Variants in UNC5D observed in about 807,000 individuals in gnomAD.
UNC5D encodes the protein netrin receptor UNC5D.
A neutral mutation model predicts 105.4 loss-of-function variants in UNC5D; 39 were observed. The observed-to-expected ratio is 0.37, with a 90% CI of 0.29 to 0.48. The LOEUF (loss-of-function observed/expected upper bound fraction) is 0.48, where lower values mean the gene tolerates loss of function less well. Among genes scored for constraint, UNC5D ranks in the 20% least tolerant of loss-of-function variants. UNC5D has a pLI of 0.98. For missense variants in UNC5D, 991 were observed against 1,202.4 expected, an observed-to-expected ratio of 0.82 and a Z score of 2.60; for synonymous variants, 452 against 450.4, an observed-to-expected ratio of 1.00 and a Z score of -0.04.
At chr8:35,491,893 T>A (rs1403639318) in intron 1 of UNC5D, among the ~76,000 whole-genome samples, 1 of 152,164 alleles carries the variant, frequency 6.6e-6, no homozygotes, top group Non-Finnish European at 1.5e-5. Flanking sequence ...GTGAGAATAG[T>A]TATTGAGTCC....
At chr8:35,724,212 C>A in intron 9 of UNC5D, 1 of 1,514,760 alleles carries the variant, frequency 6.6e-7, no homozygotes, top group Non-Finnish European at 8.8e-7. Context: ...TTAGTCTTAC[C>A]AAACTTACCT....
chr8:35,675,373 T>C (rs1825139657), intron 4 of UNC5D, among the ~76,000 whole-genome samples: 1 of 152,224 alleles, frequency 6.6e-6, no homozygotes, highest in Non-Finnish European at 1.5e-5. Flanking sequence ...CAGGTGCCAT[T>C]GAACATCCTT....
At chr8:35,443,824 CA>C in intron 1 of UNC5D, among the ~76,000 whole-genome samples, 1 of 151,846 alleles carries the variant, frequency 6.6e-6, no homozygotes. Flanking sequence ...GGAAGTGTAT[CA>C]AAAGGTTATA....
chr8:35,746,919 G>T (rs1830036718), intron 11 of UNC5D, among the ~76,000 whole-genome samples: 1 of 152,098 alleles, frequency 6.6e-6, no homozygotes, highest in Admixed American at 6.6e-5. Flanking sequence ...TGAATTTTAT[G>T]GTTTTTTTCC....
At chr8:35,697,557 T>C (rs1242770009) in intron 7 of UNC5D, among the ~76,000 whole-genome samples, 3 of 152,100 alleles carry the variant, frequency 2.0e-5, no homozygotes, top group Non-Finnish European at 4.4e-5. Context: ...TCCAAACTCC[T>C]CATCAAGTAG....
intron 1 of UNC5D, among the ~76,000 whole-genome samples, chr8:35,265,892 A>G (rs1804833650): frequency 6.7e-6 from 1 of 149,794 alleles, no homozygotes; most frequent in Non-Finnish European, 1.5e-5. Flanking sequence ...TAATAATAAT[A>G]ATAATAATAA....
chr8:35,734,204 G>C (rs1302605985), intron 11 of UNC5D, among the ~76,000 whole-genome samples: 3 of 151,984 alleles, frequency 2.0e-5, no homozygotes, highest in Non-Finnish European at 4.4e-5. Flanking sequence ...GAATTAGTCT[G>C]CTGGTGAGAT....
intron 1 of UNC5D, among the ~76,000 whole-genome samples, chr8:35,441,099 G>C (rs1807366092): frequency 6.6e-6 from 1 of 151,918 alleles, no homozygotes; most frequent in South Asian, 2.1e-4. Flanking sequence ...TCTTATACCA[G>C]TAGACCTTGA....
At chr8:35,507,837 A>G (rs974933734) in intron 1 of UNC5D, among the ~76,000 whole-genome samples, 1 of 152,214 alleles carries the variant, frequency 6.6e-6, no homozygotes, top group Non-Finnish European at 1.5e-5. Context: ...ATTATTACAC[A>G]GTACATTCCT....
intron 4 of UNC5D, among the ~76,000 whole-genome samples, chr8:35,671,302 G>A (rs1181312932): frequency 2.0e-5 from 3 of 152,084 alleles, no homozygotes; most frequent in Non-Finnish European, 4.4e-5. Context: ...CTACAATTTG[G>A]ATACCAAATC....
At chr8:35,608,434 G>A (rs1820455157) in intron 4 of UNC5D, among the ~76,000 whole-genome samples, 1 of 152,184 alleles carries the variant, frequency 6.6e-6, no homozygotes, top group Admixed American at 6.5e-5. Flanking sequence ...AATCTGATCT[G>A]TATAAATGTA....
At chr8:35,410,138 A>T (rs1412134614) in intron 1 of UNC5D, among the ~76,000 whole-genome samples, 3 of 152,004 alleles carry the variant, frequency 2.0e-5, no homozygotes, top group Non-Finnish European at 4.4e-5. Context: ...CTAATTTGAG[A>T]AAATCTAGTA....
intron 1 of UNC5D, among the ~76,000 whole-genome samples, chr8:35,321,069 T>C (rs1809705275): frequency 6.6e-6 from 1 of 152,152 alleles, no homozygotes; most frequent in African/African-American, 2.4e-5. Flanking sequence ...CAACCTTGGC[T>C]CCAATAACCT....
intron 8 of UNC5D, among the ~76,000 whole-genome samples, chr8:35,709,430 C>T (rs1482779067): frequency 6.6e-6 from 1 of 152,128 alleles, no homozygotes; most frequent in Non-Finnish European, 1.5e-5. Flanking sequence ...TGGCTGAGTC[C>T]TGTAATCCCA....
At chr8:35,654,047 A>G (rs1823585044) in intron 4 of UNC5D, among the ~76,000 whole-genome samples, 1 of 152,092 alleles carries the variant, frequency 6.6e-6, no homozygotes, top group South Asian at 2.1e-4. Context: ...AGAATTTGTA[A>G]ATTGTTTCTG....
At chr8:35,684,527 C>T in intron 5 of UNC5D, 55 bp from the exon 6 acceptor site, 1 of 1,576,830 alleles carries the variant, frequency 6.3e-7, no homozygotes, top group Non-Finnish European at 8.6e-7. Flanking sequence ...ACATAGTAGG[C>T]AATCAGTAAA....
At chr8:35,446,201 A>G (rs1365139104) in intron 1 of UNC5D, among the ~76,000 whole-genome samples, 1 of 151,808 alleles carries the variant, frequency 6.6e-6, no homozygotes, top group Non-Finnish European at 1.5e-5. Context: ...TTGACAATTT[A>G]AAAATATTAT....
chr8:35,788,098 C>G (rs1802832264), intron 16 of UNC5D, among the ~76,000 whole-genome samples: 1 of 152,156 alleles, frequency 6.6e-6, no homozygotes, highest in Non-Finnish European at 1.5e-5. Flanking sequence ...GTGGAACATA[C>G]TTGTAGTGCT....
chr8:35,248,032 A>G (rs1193885195), intron 1 of UNC5D, among the ~76,000 whole-genome samples: 3 of 56,722 alleles, frequency 5.3e-5, no homozygotes, highest in Non-Finnish European at 8.5e-5. Context: ...ATAAATAAAT[A>G]TTATATATAA....
Sources: allele counts gnomAD v4.1 joint callset (sites outside exome capture counted in the v4.1 genomes callset), GRCh38; gene constraint gnomAD v4.1.1; transcripts MANE v1.5; gene names NCBI Gene and HGNC (gene_info 2026-07-23, HGNC 2026-07-21).